Variants in TNNI3K observed in about 807,000 individuals in gnomAD.
TNNI3K encodes the protein TNNI3 interacting kinase.
Under a neutral mutation model 114.5 loss-of-function variants are expected in TNNI3K, and 140 were observed. That is an observed-to-expected ratio of 1.22 (90% confidence interval 1.07 to 1.41). The LOEUF (loss-of-function observed/expected upper bound fraction) is 1.41. Among genes scored for constraint, TNNI3K ranks in the 40% most tolerant of loss-of-function variants. The pLI is 0.00. For missense variants in TNNI3K, 1,125 were observed against 1,007.6 expected (o/e 1.12, Z -1.58); for synonymous variants, 347 against 347.5 (o/e 1.00, Z 0.02).
chr1:74,307,563 G>A (rs950722748), intron 5 of TNNI3K, among the ~76,000 whole-genome samples: 1 of 152,064 alleles, frequency 6.6e-6, no homozygotes, highest in African/African-American at 2.4e-5. Flanking sequence ...AATGATGAAG[G>A]GTTCAAATCA....
intron 2 of TNNI3K, among the ~76,000 whole-genome samples, chr1:74,248,635 G>A (rs1654740022): frequency 6.6e-6 from 1 of 152,104 alleles, no homozygotes; most frequent in African/African-American, 2.4e-5. Context: ...TTTTGTTGAG[G>A]CTTAGAAAAT....
chr1:74,373,500 G>A (rs897502429), intron 17 of TNNI3K: 1 of 151,806 alleles, frequency 6.6e-6, no homozygotes, highest in Non-Finnish European at 1.5e-5. Flanking sequence ...CCATTAGCCT[G>A]GGCAAGTCAG....
Position 74,249,446 on chromosome 1 carries a change from A to G in TNNI3K, c.150-13A>G. The G allele has an allele frequency of 6.2e-7, 1 of 1,609,868 alleles. No individual in the cohort carries two copies. The highest frequency in any genetic ancestry group is 8.5e-7 in the Non-Finnish European group (1 of 1,178,398). ...GATGAATTTTGTGATCATCTGTAAC[A>G]TGTTTTTTTCAGCTCTGATGAAGCC... On this transcript the variant is annotated splice_polypyrimidine_tract_variant and intron_variant, in intron 2 of 24. Coordinates refer to ENST00000326637, the MANE Select transcript of TNNI3K (RefSeq NM_015978.3).
intron 17 of TNNI3K, among the ~76,000 whole-genome samples, chr1:74,384,038 A>G (rs1255512532): frequency 6.6e-6 from 1 of 152,058 alleles, no homozygotes; most frequent in Non-Finnish European, 1.5e-5. Context: ...AATCCAAAAT[A>G]TAGGGATGTA....
chr1:74,504,154 T>G (rs1470591210), intron 23 of TNNI3K, among the ~76,000 whole-genome samples: 1 of 152,224 alleles, frequency 6.6e-6, no homozygotes, highest in African/African-American at 2.4e-5. Context: ...TATAAATTGA[T>G]TGCTAGTGCC....
intron 20 of TNNI3K, among the ~76,000 whole-genome samples, chr1:74,451,373 C>CA (rs1417994602): frequency 6.6e-6 from 1 of 152,118 alleles, no homozygotes; most frequent in Non-Finnish European, 1.5e-5. Flanking sequence ...CAAACCTGCA[C>CA]ATCCTGCACA....
intron 6 of TNNI3K, among the ~76,000 whole-genome samples, chr1:74,335,688 C>A (rs183351935): frequency 7.2e-4 from 110 of 152,202 alleles, no homozygotes; most frequent in Admixed American, 1.9e-3. Flanking sequence ...AAAAAATGGT[C>A]GCTTGTTCCA....
chr1:74,315,860 G>T (rs1343987213), intron 5 of TNNI3K, among the ~76,000 whole-genome samples: 2 of 152,066 alleles, frequency 1.3e-5, no homozygotes. Flanking sequence ...TACTGTAGGA[G>T]ATATAAAAAT....
At chr1:74,495,530 T>C (rs1476153961) in intron 23 of TNNI3K, among the ~76,000 whole-genome samples, 4 of 152,224 alleles carry the variant, frequency 2.6e-5, no homozygotes, top group African/African-American at 9.6e-5. Context: ...TATTTTCTCT[T>C]TTCTTTCCAT....
intron 23 of TNNI3K, among the ~76,000 whole-genome samples, chr1:74,496,323 A>C (rs1390936195): frequency 3.3e-5 from 5 of 152,190 alleles, no homozygotes; most frequent in Non-Finnish European, 7.4e-5. Flanking sequence ...CATCCCTGCC[A>C]AAATTCCTTA....
chr1:74,272,494 T>C (rs1297679740), intron 5 of TNNI3K, among the ~76,000 whole-genome samples: 1 of 151,844 alleles, frequency 6.6e-6, no homozygotes, highest in Non-Finnish European at 1.5e-5. Flanking sequence ...GAAAAGAATT[T>C]CAAGCTTAAG....
At chr1:74,334,579 A>G (rs1303168310) in intron 6 of TNNI3K, among the ~76,000 whole-genome samples, 2 of 152,152 alleles carry the variant, frequency 1.3e-5, no homozygotes, top group African/African-American at 4.8e-5. Flanking sequence ...GTTCTTAAGT[A>G]TATATATAAG....
chr1:74,508,555 A>G (rs1361671905), intron 23 of TNNI3K, among the ~76,000 whole-genome samples: 1 of 152,184 alleles, frequency 6.6e-6, no homozygotes, highest in Non-Finnish European at 1.5e-5. Context: ...GAAAAGGGTT[A>G]AAAAATAGCC....
At chr1:74,367,398 A>C in intron 12 of TNNI3K, 56 bp downstream of exon 12, 1 of 1,582,018 alleles carries the variant, frequency 6.3e-7, no homozygotes, top group Non-Finnish European at 8.7e-7. Flanking sequence ...GCCTAAAGGT[A>C]AACCTGTGTT....
Position 74,369,221 on chromosome 1 carries a change from G to C in TNNI3K, c.1429G>C (p.Val477Leu). Residue 477 changes from valine (V) to leucine (L), a missense_variant, in exon 15 of 25, where the codon GTA becomes CTA. Physicochemically the swap from Val to Leu is conservative, Grantham distance 32 (BLOSUM62 1). Transcript: ENST00000326637. Reference protein sequence around the residue: ...EIIGSGSFGKVYKGRCRNKIV... With the variant: ...EIIGSGSFGKLYKGRCRNKIV... ...AACAATTGTAGGTTCTTTTGGGAAA[G>C]TATATAAAGGACGATGCAGAAATAA... 6.2e-7 allele frequency: 1 copy of C among 1,611,298 alleles called. No homozygotes were observed.
chr1:74,359,120 G>A (rs1173159972), intron 11 of TNNI3K, among the ~76,000 whole-genome samples: 1 of 151,962 alleles, frequency 6.6e-6, no homozygotes, highest in Admixed American at 6.6e-5. Flanking sequence ...CCAACACACT[G>A]TAAAATTAGA....
At chr1:74,295,196 G>A (rs1324684130) in intron 5 of TNNI3K, among the ~76,000 whole-genome samples, 4 of 151,056 alleles carry the variant, frequency 2.6e-5, no homozygotes, top group Non-Finnish European at 5.9e-5. Flanking sequence ...ACTTTGATTT[G>A]CAGTATAATT....
At chr1:74,535,657 A>C (rs985630070) in intron 23 of TNNI3K, among the ~76,000 whole-genome samples, 10 of 152,144 alleles carry the variant, frequency 6.6e-5, no homozygotes, top group African/African-American at 2.4e-4. Flanking sequence ...AGAACAATTC[A>C]ATCTATTTTT....
intron 11 of TNNI3K, among the ~76,000 whole-genome samples, chr1:74,354,336 G>A (rs1442138131): frequency 6.6e-6 from 1 of 152,076 alleles, no homozygotes; most frequent in African/African-American, 2.4e-5. Context: ...TGAACCAAAG[G>A]CATTCTCAGT....
Sources: allele counts gnomAD v4.1 joint callset (sites outside exome capture counted in the v4.1 genomes callset), GRCh38; gene constraint gnomAD v4.1.1; transcripts MANE v1.5; gene names NCBI Gene and HGNC (gene_info 2026-07-23, HGNC 2026-07-21).